NSMCE1: variants seen among roughly 807,000 people sequenced by gnomAD.
NSMCE1 encodes NSE1 component of SMC5/6 complex.
NSMCE1 carries 18 observed loss-of-function variants against 29.6 expected under a neutral mutation model. The observed-to-expected ratio is 0.61, with a 90% confidence interval of 0.42 to 0.90. The LOEUF is 0.90. NSMCE1 is among the 40% of genes least tolerant of loss of function. NSMCE1 has a pLI of 0.00. For synonymous variants in NSMCE1, 124 were observed against 133.4 expected, an observed-to-expected ratio of 0.93 and a Z score of 0.49; for missense variants, 314 against 343.6, an observed-to-expected ratio of 0.91 and a Z score of 0.68.
rs910984479 is a variant in NSMCE1 at position 27,225,611 on chromosome 16, G to T, written c.721+115C>A. 2.6e-5 allele frequency: 32 copies of T among 1,228,508 alleles called. No homozygotes were observed. The South Asian group carries it at 4.6e-4, about 18-fold the overall frequency. The allele number at this position is 1,228,508 out of a possible 1,614,324, so 76.1% of individuals were successfully genotyped here. ...CTTCTAGGATTCAAGCTGCTAACAC[G>T]GACCCCCACACACCCTGGAGCCCTT... On this transcript the variant is annotated intron_variant, in intron 7 of 7. Coordinates refer to ENST00000361439, the MANE Select transcript of NSMCE1 (RefSeq NM_145080.4).
At chr16:27,226,553 A>T (rs2083694807) in intron 6 of NSMCE1, 167 bp downstream of exon 6, 1 of 578,062 alleles carries the variant, frequency 1.7e-6, no homozygotes, top group Non-Finnish European at 3.1e-6. Flanking sequence ...CACAGCAGGG[A>T]GGCGTCCTGA....
intron 2 of NSMCE1, among the ~76,000 whole-genome samples, chr16:27,239,431 G>A (rs559441482): frequency 2.6e-5 from 4 of 152,292 alleles, no homozygotes; most frequent in South Asian, 4.1e-4. Flanking sequence ...AATATTCTAC[G>A]AGCCCATGGT....
intron 2 of NSMCE1, chr16:27,241,713 G>A (rs1207453230): frequency 9.0e-5 from 24 of 266,614 alleles, no homozygotes; most frequent in Admixed American, 1.6e-4. Context: ...GAGAGTGGCT[G>A]GTCTGTGGTA....
chr16:27,226,931 G>A (rs2083703758), intron 5 of NSMCE1, 95 bp from the exon 6 acceptor site: 3 of 798,280 alleles, frequency 3.8e-6, no homozygotes, highest in Non-Finnish European at 6.5e-6. Context: ...CAGTGCTCAG[G>A]AAGACACAAG....
intron 1 of NSMCE1, among the ~76,000 whole-genome samples, chr16:27,260,286 G>T (rs1278108240): frequency 6.6e-6 from 1 of 152,198 alleles, no homozygotes; most frequent in Non-Finnish European, 1.5e-5. Context: ...TAATAGCCTT[G>T]TGATGGTCAG....
At chr16:27,254,304 G>T (rs1479450792) in intron 2 of NSMCE1, among the ~76,000 whole-genome samples, 1 of 152,088 alleles carries the variant, frequency 6.6e-6, no homozygotes, top group Non-Finnish European at 1.5e-5. Context: ...GTTCACCCTG[G>T]CCATAACCAT....
chr16:27,238,955 C>T (rs4787941), intron 2 of NSMCE1, among the ~76,000 whole-genome samples: 95,181 of 151,232 alleles, frequency 0.63, 31,384 homozygotes, highest in East Asian at 0.89. Flanking sequence ...CAGCAACCTC[C>T]ACCTCCCAGG....
chr16:27,233,600 C>T (rs1237729336), intron 4 of NSMCE1, among the ~76,000 whole-genome samples: 1 of 152,234 alleles, frequency 6.6e-6, no homozygotes, highest in Non-Finnish European at 1.5e-5. Flanking sequence ...TTGGATTCAA[C>T]AGATCGTGAG....
rs1220810243 is a variant in NSMCE1 at position 27,235,174 on chromosome 16, T to C, written c.258+4A>G. 6.2e-7 allele frequency: 1 copy of C among 1,613,630 alleles called. No homozygotes were observed. The stretch of plus-strand genomic sequence containing the variant: ...GCCACTAGAGGGCTCTGCCGGGCAC[T>C]CACCAACGCATAAATGGGTCTCCCA... On this transcript the variant is annotated splice_donor_region_variant and intron_variant, in intron 3 of 7. Transcript: ENST00000361439.
chr16:27,263,812 A>AGTGAC (rs1196023768), intron 1 of NSMCE1, among the ~76,000 whole-genome samples: 1 of 152,222 alleles, frequency 6.6e-6, no homozygotes, highest in African/African-American at 2.4e-5. Context: ...TTATCTACTA[A>AGTGAC]GTGACGTCTA....
chr16:27,243,231 A>G lies in NSMCE1; in HGVS notation c.137-7932T>C, dbSNP rs372043380. 2.0e-5 allele frequency among the ~76,000 whole-genome samples: 3 copies of G among 152,340 alleles called. No individual in the cohort carries two copies. The East Asian group carries it at 5.8e-4, about 29-fold the overall frequency. ...TGCAAACAAACAATGCCTGTAAGTT[A>G]TATACCACTGACCGTTCACCGTCTC... On this transcript the variant is annotated intron_variant, in intron 2 of 7. Transcript: ENST00000361439.
At chr16:27,265,296 G>A (rs1452209825) in intron 1 of NSMCE1, among the ~76,000 whole-genome samples, 1 of 148,736 alleles carries the variant, frequency 6.7e-6, no homozygotes. Flanking sequence ...GAACCCCCTA[G>A]CAGCTATGAC....
intron 2 of NSMCE1, among the ~76,000 whole-genome samples, chr16:27,241,034 A>G (rs2083888113): frequency 6.6e-6 from 1 of 152,224 alleles, no homozygotes; most frequent in South Asian, 2.1e-4. Flanking sequence ...TGATCGCATC[A>G]CTGCATTCTA....
At chr16:27,268,118 GC>G (rs1262776450) in intron 1 of NSMCE1, 2 of 152,122 alleles carry the variant, frequency 1.3e-5, no homozygotes. Flanking sequence ...CGCTGCTCCA[GC>G]CCCCTCTGAG....
intron 2 of NSMCE1, chr16:27,241,441 C>T (rs1022591347): frequency 2.5e-5 from 4 of 161,308 alleles, no homozygotes; most frequent in East Asian, 1.8e-4. Flanking sequence ...CTGGATGAGA[C>T]GGGGGTGCAG....
At chr16:27,243,210 A>G (rs2083912627) in intron 2 of NSMCE1, among the ~76,000 whole-genome samples, 1 of 152,204 alleles carries the variant, frequency 6.6e-6, no homozygotes. Flanking sequence ...CTATAGTGCA[A>G]ACAAACAATG....
rs1386578363 is a variant in NSMCE1, at chr16:27,225,782, G to A, written c.665C>T (p.Ser222Leu). The A allele has an allele frequency of 8.1e-6, 13 of 1,614,008 alleles. No homozygotes were observed. Among genetic ancestry groups the A allele is most frequent in the African/African-American group, 2.7e-5 (2 of 74,922 alleles). Residue 222 changes from serine (S) to leucine (L), a missense_variant, in exon 7 of 8, where the codon TCG (serine) becomes TTG (leucine). By Grantham distance (145) the Ser-to-Leu change is moderately radical. Coordinates refer to ENST00000361439, the MANE Select transcript of NSMCE1 (RefSeq NM_145080.4). ...GTGGGGGCAGCGCGGTTCAGCATTC[G>A]ACTGGAAGTACTTGGCCACGCAGGG... ...HLPCVAKYFQ[S>L]NAEPRCPHCN...
chr16:27,228,486 C>A (rs1181132747), intron 5 of NSMCE1, among the ~76,000 whole-genome samples: 1 of 151,890 alleles, frequency 6.6e-6, no homozygotes, highest in Non-Finnish European at 1.5e-5. Context: ...TGGCCACCGC[C>A]CTCTTCCAGC....
At chr16:27,260,268 T>C (rs2084140496) in intron 1 of NSMCE1, among the ~76,000 whole-genome samples, 1 of 152,202 alleles carries the variant, frequency 6.6e-6, no homozygotes, top group Non-Finnish European at 1.5e-5. Context: ...TCACTGGGAT[T>C]AGTGTTCTAA....
Sources: gnomAD v4.1 joint callset for allele counts (sites outside exome capture counted in the v4.1 genomes callset) on GRCh38, gnomAD v4.1.1 for gene constraint, MANE v1.5 for transcripts, NCBI Gene and HGNC (gene_info 2026-07-23, HGNC 2026-07-21) for gene names.